The following C3orf49 variants were observed in gnomAD, a reference collection of about 807,000 sequenced individuals.
C3orf49 encodes the protein chromosome 3 open reading frame 49, also known as putative uncharacterized protein C3orf49.
In C3orf49, 27 loss-of-function variants were observed where a neutral mutation model predicts 13.3. That is an observed-to-expected ratio of 2.02 (90% confidence interval 1.49 to 2.79). The LOEUF (loss-of-function observed/expected upper bound fraction) is 2.79. Among genes scored for constraint, C3orf49 ranks in the 30% most tolerant of loss-of-function variants. C3orf49 has a pLI of 0.00. For missense variants in C3orf49, 242 were observed against 134.2 expected, an observed-to-expected ratio of 1.80 and a Z score of -3.97; for synonymous variants, 87 against 47.6, an observed-to-expected ratio of 1.83 and a Z score of -3.40.
the C3orf49 span, among the ~76,000 whole-genome samples, chr3:63,794,221 G>A: frequency 1.9e-3 from 291 of 150,550 alleles, 2 homozygotes; most frequent in African/African-American, 6.9e-3. Context: ...GCAAAAGAAC[G>A]AACATGCAAT....
chr3:63,792,175 A>G, the C3orf49 span, among the ~76,000 whole-genome samples: 2 of 152,246 alleles, frequency 1.3e-5, no homozygotes. Context: ...ACAAACTTGC[A>G]TGCCATCTTG....
At chr3:63,788,769 G>A in the C3orf49 span, among the ~76,000 whole-genome samples, 1 of 151,718 alleles carries the variant, frequency 6.6e-6, no homozygotes, top group South Asian at 2.1e-4. Flanking sequence ...AGAAAGGTTA[G>A]GAGACTTGCC....
the C3orf49 span, among the ~76,000 whole-genome samples, chr3:63,790,934 C>G: frequency 6.6e-6 from 1 of 152,174 alleles, no homozygotes; most frequent in Non-Finnish European, 1.5e-5. Flanking sequence ...GCAGCTTTAG[C>G]TTGGCCCTGT....
At chr3:63,816,881 T>C (rs1701331117), upstream of C3orf49, among the ~76,000 whole-genome samples, 1 of 148,634 alleles carries the variant, frequency 6.7e-6, no homozygotes. Context: ...CACGCCATTC[T>C]CCTGCCTCAA....
the C3orf49 span, among the ~76,000 whole-genome samples, chr3:63,807,669 C>T: frequency 1.3e-5 from 2 of 151,576 alleles, no homozygotes; most frequent in African/African-American, 4.8e-5. Flanking sequence ...ACAGCCTGGC[C>T]AGCATGGTGA....
chr3:63,812,240 A>T, the C3orf49 span, among the ~76,000 whole-genome samples: 1 of 152,238 alleles, frequency 6.6e-6, no homozygotes, highest in Non-Finnish European at 1.5e-5. Flanking sequence ...ATTGTCTTGG[A>T]CCACACATAA....
the C3orf49 span, among the ~76,000 whole-genome samples, chr3:63,787,597 G>T: frequency 6.6e-6 from 1 of 152,088 alleles, no homozygotes; most frequent in African/African-American, 2.4e-5. Flanking sequence ...TTTAGGGAAG[G>T]TTTGGAGATG....
chr3:63,816,769 C>CTT (rs543894356), upstream of C3orf49, among the ~76,000 whole-genome samples: 4,700 of 97,204 alleles, frequency 0.048, 404 homozygotes, highest in Non-Finnish European at 0.06. Flanking sequence ...CTTTTCTTTT[C>CTT]TTTTTTTTTT....
the C3orf49 span, among the ~76,000 whole-genome samples, chr3:63,786,559 A>G: frequency 6.6e-5 from 10 of 152,220 alleles, no homozygotes; most frequent in African/African-American, 2.2e-4. Context: ...GAGCTAAAGA[A>G]GGAAAAAAAA....
intron 3 of C3orf49, among the ~76,000 whole-genome samples, 194 bp downstream of exon 3, chr3:63,827,919 G>A (rs1405490775): frequency 1.3e-5 from 2 of 152,114 alleles, no homozygotes; most frequent in Non-Finnish European, 2.9e-5. Flanking sequence ...AAACTGTTCA[G>A]CTTCTACTAC....
the C3orf49 span, chr3:63,782,720 A>C: frequency 1.3e-5 from 2 of 152,260 alleles, no homozygotes; most frequent in Non-Finnish European, 2.9e-5. Context: ...GGACTAAATC[A>C]GTCGAGTCAG....
chr3:63,833,152 A>G (rs999457554), intron 5 of C3orf49, among the ~76,000 whole-genome samples: 1 of 150,920 alleles, frequency 6.6e-6, no homozygotes, highest in Admixed American at 6.6e-5. Flanking sequence ...GCTGGAGTGC[A>G]ATGGTGCAAT....
chr3:63,805,409 C>G, the C3orf49 span, among the ~76,000 whole-genome samples: 2 of 152,136 alleles, frequency 1.3e-5, no homozygotes, highest in African/African-American at 4.8e-5. Context: ...GTTGAGTTGG[C>G]TTGGTAGGGT....
At chr3:63,836,163 T>A in intron 5 of C3orf49, 1 of 705,864 alleles carries the variant, frequency 1.4e-6, no homozygotes, top group Non-Finnish European at 2.2e-6. Context: ...AACAGAGAAG[T>A]ATGGGAAAAT....
chr3:63,831,161 A>C lies in C3orf49; in HGVS notation c.622A>C (p.Lys208Gln). 2 of 703,078 alleles carry C rather than the reference A, an allele frequency of 2.8e-6. No homozygotes were observed. Among genetic ancestry groups the C allele is most frequent in the South Asian group, 3.0e-5 (2 of 67,586 alleles). The allele number at this position is 703,078 out of a possible 1,614,324, so 43.6% of individuals were successfully genotyped here. A position where few individuals can be genotyped will look rare whatever the true frequency, so the allele number is the denominator to read the frequency against. The change falls in exon 4 of 7, where the codon AAG becomes CAG. Residue 208 changes from lysine to glutamine, a missense_variant. Lys to Gln is a moderately conservative substitution (Grantham distance 53, BLOSUM62 1). Transcript: ENST00000295896. ...RPHFPALKKK[K>Q]RGMENILRKS... Reference sequence around the variant, plus strand: ...ACACTTTCCAGCACTTAAAAAAAAGAAGCGTGGCATGGAAAACATCCTTCG... The same window carrying C: ...ACACTTTCCAGCACTTAAAAAAAAGCAGCGTGGCATGGAAAACATCCTTCG...
chr3:63,812,126 C>G, the C3orf49 span, among the ~76,000 whole-genome samples: 3 of 151,848 alleles, frequency 2.0e-5, no homozygotes, highest in South Asian at 6.2e-4. Context: ...TATGAGGATC[C>G]TGAAATGGAA....
intron 6 of C3orf49, among the ~76,000 whole-genome samples, chr3:63,847,755 A>C (rs562345838): frequency 6.6e-6 from 1 of 152,318 alleles, no homozygotes; most frequent in Non-Finnish European, 1.5e-5. Context: ...AACAAAAAAA[A>C]CAAACTCTGA....
In C3orf49 at chr3:63,823,924, C is replaced by T. The variant is rs995700718; in HGVS notation, c.445+355C>T. Among the ~76,000 whole-genome samples, 18 of 152,126 alleles carry T rather than the reference C, an allele frequency of 1.2e-4. 1 individual carries two copies. Among genetic ancestry groups the T allele is most frequent in the Admixed American group, 9.2e-4 (14 of 15,276 alleles). On this transcript the variant is annotated intron_variant, in intron 2 of 6. Coordinates refer to ENST00000295896, the MANE Select transcript of C3orf49 (RefSeq NM_001355236.2). ...CAAGCAATTTTCCTCCCTCAGCCAC[C>T]TGAGTAGCTCGAACTACAGGAGCGT...
At chr3:63,791,267 T>C in the C3orf49 span, among the ~76,000 whole-genome samples, 1 of 152,168 alleles carries the variant, frequency 6.6e-6, no homozygotes, top group Non-Finnish European at 1.5e-5. Flanking sequence ...GCTGAAATAA[T>C]TGTTTGGCTG....
Sources: gnomAD v4.1 joint callset for allele counts (sites outside exome capture counted in the v4.1 genomes callset) on GRCh38, gnomAD v4.1.1 for gene constraint, MANE v1.5 for transcripts, NCBI Gene and HGNC (gene_info 2026-07-23, HGNC 2026-07-21) for gene names.